LRRC3B: variants seen among roughly 807,000 people sequenced by gnomAD.
LRRC3B encodes leucine rich repeat containing 3B, also known as leucine-rich repeat-containing protein 3B.
LRRC3B carries 2 observed loss-of-function variants against 12.8 expected under a neutral mutation model. The ratio of observed to expected loss-of-function variants is 0.16; its 90% CI spans 0.06 to 0.49. LRRC3B has a LOEUF of 0.49. Among genes scored for constraint, LRRC3B ranks in the 20% least tolerant of loss-of-function variants. The pLI is 0.96. For synonymous variants in LRRC3B, 132 were observed against 122.0 expected (o/e 1.08, Z -0.54); for missense variants, 189 against 319.4 (o/e 0.59, Z 3.11).
intron 1 of LRRC3B, among the ~76,000 whole-genome samples, chr3:26,705,165 A>G (rs1227807885): frequency 6.6e-6 from 1 of 152,122 alleles, no homozygotes; most frequent in Non-Finnish European, 1.5e-5. Flanking sequence ...GTGAATGAAC[A>G]CCCTGTTAAA....
At chr3:26,657,474 T>C (rs1194297349) in intron 1 of LRRC3B, among the ~76,000 whole-genome samples, 3 of 152,210 alleles carry the variant, frequency 2.0e-5, no homozygotes, top group African/African-American at 7.2e-5. Context: ...GGATGGAACA[T>C]GGAACTCTTA....
intron 1 of LRRC3B, among the ~76,000 whole-genome samples, chr3:26,695,542 C>CAAACAAAA (rs1208992389): frequency 1.3e-5 from 2 of 151,756 alleles, no homozygotes; most frequent in Non-Finnish European, 2.9e-5. Flanking sequence ...AACAAACAAA[C>CAAACAAAA]AAAAAAACTT....
intron 1 of LRRC3B, among the ~76,000 whole-genome samples, chr3:26,698,554 C>T (rs57202195): frequency 0.017 from 2,536 of 152,064 alleles, 29 homozygotes; most frequent in African/African-American, 0.036. Context: ...ATCTTCCCCT[C>T]GAAGATTTTT....
intron 1 of LRRC3B, among the ~76,000 whole-genome samples, chr3:26,693,456 A>G (rs1215638936): frequency 6.6e-6 from 1 of 152,098 alleles, no homozygotes; most frequent in Non-Finnish European, 1.5e-5. Context: ...CAACAGTCCC[A>G]ATCTAGACTA....
chr3:26,686,599 T>A (rs1421437886), intron 1 of LRRC3B, among the ~76,000 whole-genome samples: 1 of 152,090 alleles, frequency 6.6e-6, no homozygotes, highest in African/African-American at 2.4e-5. Context: ...AAAGTAAATA[T>A]TCAGCTCAGA....
chr3:26,629,534 A>G (rs1016613207), intron 1 of LRRC3B, among the ~76,000 whole-genome samples: 2 of 152,218 alleles, frequency 1.3e-5, no homozygotes, highest in African/African-American at 4.8e-5. Flanking sequence ...ACTAAGCAGT[A>G]TGCTTTCCCT....
At chr3:26,684,495 G>A (rs1161856953) in intron 1 of LRRC3B, among the ~76,000 whole-genome samples, 2 of 152,136 alleles carry the variant, frequency 1.3e-5, no homozygotes, top group Non-Finnish European at 2.9e-5. Context: ...CAGAACACCC[G>A]AGACTGGGCA....
At chr3:26,694,961 C>T (rs1294917848) in intron 1 of LRRC3B, among the ~76,000 whole-genome samples, 2 of 152,084 alleles carry the variant, frequency 1.3e-5, no homozygotes, top group African/African-American at 4.8e-5. Flanking sequence ...TCCTTAATAT[C>T]ATCAACCCCC....
chr3:26,676,740 A>G (rs542411680), intron 1 of LRRC3B, among the ~76,000 whole-genome samples: 2 of 152,338 alleles, frequency 1.3e-5, no homozygotes, highest in East Asian at 3.9e-4. Flanking sequence ...CATTACGGGT[A>G]TATACCCAAA....
At chr3:26,659,442 C>T (rs942865637) in intron 1 of LRRC3B, among the ~76,000 whole-genome samples, 2 of 152,252 alleles carry the variant, frequency 1.3e-5, no homozygotes, top group Non-Finnish European at 2.9e-5. Context: ...GGCAACCTCT[C>T]AGGATTTTTG....
At chr3:26,655,190 A>T (rs34173765) in intron 1 of LRRC3B, among the ~76,000 whole-genome samples, 1 of 151,858 alleles carries the variant, frequency 6.6e-6, no homozygotes, top group East Asian at 1.9e-4. Flanking sequence ...TTCTTCTTAG[A>T]TACTCTACTG....
intron 1 of LRRC3B, among the ~76,000 whole-genome samples, chr3:26,632,495 AG>A (rs1316305771): frequency 4.6e-5 from 7 of 152,142 alleles, no homozygotes; most frequent in African/African-American, 1.7e-4. Flanking sequence ...TCTGAACAGA[AG>A]CCATATCTGT....
chr3:26,700,895 C>A (rs1197396945), intron 1 of LRRC3B, among the ~76,000 whole-genome samples: 1 of 152,098 alleles, frequency 6.6e-6, no homozygotes, highest in African/African-American at 2.4e-5. Context: ...GCAATTACTA[C>A]CTTTTAGGGG....
rs545667706 is a variant in LRRC3B, at chr3:26,698,475, A to G, written c.-160-11038A>G. 4.6e-5 allele frequency among the ~76,000 whole-genome samples: 7 copies of G among 151,926 alleles called. No homozygotes were observed. In the South Asian group the frequency reaches 1.5e-3, roughly 32 times the overall value. Reference sequence around the variant, plus strand: ...TCACCTTGGGTTTCCATTTTGTATCACTCTGAGGGGATAAGCCTTACTCTA... The same window carrying G: ...TCACCTTGGGTTTCCATTTTGTATCGCTCTGAGGGGATAAGCCTTACTCTA... On this transcript the variant is annotated intron_variant, in intron 1 of 1. Transcript: ENST00000396641.
intron 1 of LRRC3B, among the ~76,000 whole-genome samples, chr3:26,675,850 C>G (rs1394455450): frequency 6.6e-6 from 1 of 151,750 alleles, no homozygotes; most frequent in African/African-American, 2.4e-5. Flanking sequence ...CCTTCTTATT[C>G]TTTATGATGA....
intron 1 of LRRC3B, among the ~76,000 whole-genome samples, chr3:26,628,598 T>C (rs909789838): frequency 2.6e-5 from 4 of 151,922 alleles, no homozygotes; most frequent in African/African-American, 9.7e-5. Flanking sequence ...CTTTATTTGA[T>C]AAATGGTTTG....
At chr3:26,707,812 C>A (rs1300654339) in intron 1 of LRRC3B, among the ~76,000 whole-genome samples, 12 of 152,174 alleles carry the variant, frequency 7.9e-5, no homozygotes, top group Non-Finnish European at 1.0e-4. Flanking sequence ...TTCCTAGAGT[C>A]CCCAAGTACC....
chr3:26,632,199 A>G (rs6551119), intron 1 of LRRC3B, among the ~76,000 whole-genome samples: 1 of 152,150 alleles, frequency 6.6e-6, no homozygotes, highest in African/African-American at 2.4e-5. Flanking sequence ...AATAATTGCC[A>G]TGCGGGCAAG....
At chr3:26,645,288 G>A (rs1029006354) in intron 1 of LRRC3B, among the ~76,000 whole-genome samples, 1 of 152,148 alleles carries the variant, frequency 6.6e-6, no homozygotes. Context: ...TTTACATTGT[G>A]CAGAGACCCA....
Sources: allele counts gnomAD v4.1 joint callset (sites outside exome capture counted in the v4.1 genomes callset), GRCh38; gene constraint gnomAD v4.1.1; transcripts MANE v1.5; gene names NCBI Gene and HGNC (gene_info 2026-07-23, HGNC 2026-07-21).